Variants in CADM1 observed in about 807,000 individuals in gnomAD.
The protein encoded by CADM1 is TSLC-1.
In CADM1, 15 loss-of-function variants were observed where a neutral mutation model predicts 53.1. The observed-to-expected ratio is 0.28, with a 90% confidence interval of 0.19 to 0.44. The LOEUF (loss-of-function observed/expected upper bound fraction) is 0.44. Ranked by LOEUF, CADM1 falls within the 20% of genes least tolerant of loss-of-function variation. The pLI, the probability that CADM1 is intolerant of heterozygous loss-of-function variation, is 1.00. For synonymous variants in CADM1, 281 were observed against 243.0 expected, an observed-to-expected ratio of 1.16 and a Z score of -1.45; for missense variants, 434 against 611.3, an observed-to-expected ratio of 0.71 and a Z score of 3.06.
chr11:115,372,871 C>T (rs1946342227), intron 1 of CADM1, among the ~76,000 whole-genome samples: 1 of 152,180 alleles, frequency 6.6e-6, no homozygotes, highest in Non-Finnish European at 1.5e-5. Flanking sequence ...AAGGCATAAC[C>T]TAAACCAGGC....
At chr11:115,332,262 T>C (rs1945151140) in intron 1 of CADM1, among the ~76,000 whole-genome samples, 1 of 152,086 alleles carries the variant, frequency 6.6e-6, no homozygotes, top group Non-Finnish European at 1.5e-5. Context: ...GAAGACAGGT[T>C]GAGGAGAAAC....
chr11:115,346,808 T>C (rs1289082553), intron 1 of CADM1, among the ~76,000 whole-genome samples: 1 of 152,158 alleles, frequency 6.6e-6, no homozygotes, highest in Non-Finnish European at 1.5e-5. Flanking sequence ...TTTGTTGGTG[T>C]TCAATTGTTC....
intron 1 of CADM1, among the ~76,000 whole-genome samples, chr11:115,343,080 G>C (rs1289690336): frequency 6.6e-6 from 1 of 152,086 alleles, no homozygotes; most frequent in Admixed American, 6.6e-5. Flanking sequence ...TGATTATCTT[G>C]TATTGTGTCC....
chr11:115,360,759 C>T (rs1246760028), intron 1 of CADM1, among the ~76,000 whole-genome samples: 1 of 152,196 alleles, frequency 6.6e-6, no homozygotes, highest in African/African-American at 2.4e-5. Context: ...GCAATTCACA[C>T]GTTTTCACAG....
intron 1 of CADM1, among the ~76,000 whole-genome samples, chr11:115,274,322 C>T (rs1262625803): frequency 6.6e-6 from 1 of 152,220 alleles, no homozygotes; most frequent in Non-Finnish European, 1.5e-5. Context: ...GCACGAGCAC[C>T]AGGCTCTGCC....
In CADM1 at chr11:115,174,491, G is replaced by C. The variant is rs1316134868; in HGVS notation, c.*1983C>G. On this transcript the variant is annotated 3_prime_UTR_variant, in exon 12 of 12. Transcript: ENST00000331581. The stretch of plus-strand genomic sequence containing the variant: ...TGGTTAAGTGCCTAGGGATAGGGGA[G>C]GGGTAAATAAAATGCTGCTCGATAA... 1 of 985,548 alleles carries C rather than the reference G, an allele frequency of 1.0e-6. No homozygotes were observed. Among genetic ancestry groups the C allele is most frequent in the Non-Finnish European group, 1.2e-6 (1 of 829,920 alleles). The allele number at this position is 985,548 out of a possible 1,614,324, so 61.1% of individuals were successfully genotyped here.
At chr11:115,299,415 G>A (rs1487500135) in intron 1 of CADM1, among the ~76,000 whole-genome samples, 1 of 152,080 alleles carries the variant, frequency 6.6e-6, no homozygotes, top group Non-Finnish European at 1.5e-5. Context: ...TGAACATGGT[G>A]TATGTACTTT....
rs563261995 is a variant in CADM1, at chr11:115,457,039, T to C, written c.124+47232A>G. ...ACATAGTACCTAAGTGCAGACTTCA[T>C]AGTTACCACATACTGAGTGCCTACT... On this transcript the variant is annotated intron_variant, in intron 1 of 11. Coordinates refer to ENST00000331581, the MANE Select transcript of CADM1 (RefSeq NM_001301043.2). Among the ~76,000 whole-genome samples the C allele has an allele frequency of 4.6e-5, 7 of 152,282 alleles. No homozygotes were observed. In the South Asian group the frequency reaches 1.4e-3, roughly 32 times the overall value.
intron 1 of CADM1, among the ~76,000 whole-genome samples, chr11:115,389,273 C>T (rs916872037): frequency 7.9e-5 from 12 of 152,036 alleles, no homozygotes; most frequent in Non-Finnish European, 1.0e-4. Flanking sequence ...AAGTTTGAAA[C>T]GATTTCCAAA....
chr11:115,474,699 G>A lies in CADM1; in HGVS notation c.124+29572C>T, dbSNP rs1243443692. On this transcript the variant is annotated intron_variant, in intron 1 of 11. Coordinates refer to ENST00000331581, the MANE Select transcript of CADM1 (RefSeq NM_001301043.2). Reference sequence around the variant, plus strand: ...AACATCACACACCAGGGCCAGTCGTGGGGTGGGGGGAGGGGGGAGGGATAG... The same window carrying A: ...AACATCACACACCAGGGCCAGTCGTAGGGTGGGGGGAGGGGGGAGGGATAG... Among the ~76,000 whole-genome samples the A allele has an allele frequency of 3.0e-5, 4 of 133,226 alleles. No homozygotes were observed. The East Asian group carries it at 7.2e-4, about 24-fold the overall frequency. The allele number at this position is 133,226 out of a possible 152,430, so 87.4% of individuals were successfully genotyped here. A position where few individuals can be genotyped will look rare whatever the true frequency, so the allele number is the denominator to read the frequency against.
rs940166449 is a variant in CADM1, at chr11:115,498,987, A to G, written c.124+5284T>C. Among the ~76,000 whole-genome samples the G allele has an allele frequency of 4.6e-5, 7 of 152,138 alleles. No individual in the cohort carries two copies. The South Asian group carries it at 1.4e-3, about 31-fold the overall frequency. On this transcript the variant is annotated intron_variant, in intron 1 of 11. Transcript: ENST00000331581. ...ATTTGCATGCATGGTTAAATATGGT[A>G]TTCTTCCCACTTTGTATACATATTT...
intron 1 of CADM1, among the ~76,000 whole-genome samples, chr11:115,249,307 C>T (rs369809504): frequency 1.1e-4 from 17 of 152,250 alleles, no homozygotes; most frequent in Middle Eastern, 6.8e-3. Flanking sequence ...GAGTGAAAAC[C>T]GGTTACACAA....
chr11:115,228,978 A>G, intron 5 of CADM1, 135 bp downstream of exon 5: 1 of 878,324 alleles, frequency 1.1e-6, no homozygotes, highest in Non-Finnish European at 1.8e-6. Flanking sequence ...TCAATAAAAT[A>G]ATCCTTTATT....
chr11:115,215,071 G>A (rs1249756552), intron 6 of CADM1, among the ~76,000 whole-genome samples: 2 of 152,152 alleles, frequency 1.3e-5, no homozygotes, highest in African/African-American at 4.8e-5. Flanking sequence ...ATGCCCCGCT[G>A]TGTGGTTTCA....
chr11:115,420,793 G>A (rs1441992065), intron 1 of CADM1, among the ~76,000 whole-genome samples: 1 of 152,200 alleles, frequency 6.6e-6, no homozygotes, highest in African/African-American at 2.4e-5. Flanking sequence ...CAAAGCCAAG[G>A]CTGTTTCGTT....
chr11:115,181,762 T>TG (rs1939322771), intron 10 of CADM1, among the ~76,000 whole-genome samples: 1 of 151,538 alleles, frequency 6.6e-6, no homozygotes, highest in African/African-American at 2.4e-5. Context: ...TTTCCACGTG[T>TG]GGGGAGGGTG....
Position 115,262,141 on chromosome 11 carries a change from CT to C in CADM1, c.125-21722del, listed in dbSNP as rs771054037. Among the ~76,000 whole-genome samples the C allele has an allele frequency of 4.4e-3, 620 of 140,222 alleles. 1 individual carries two copies. The highest frequency in any genetic ancestry group is 6.5e-3 in the Admixed American group (91 of 13,958). The allele number at this position is 140,222 out of a possible 152,430, so 92.0% of individuals were successfully genotyped here. A position where few individuals can be genotyped will look rare whatever the true frequency, so the allele number is the denominator to read the frequency against. ...ATATTTTGTGTCACACTTTTTTTGT[CT>C]TTTTTTTTTTTTTCCTGCTAAGGAA... On this transcript the variant is annotated intron_variant, in intron 1 of 11. Coordinates refer to ENST00000331581, the MANE Select transcript of CADM1 (RefSeq NM_001301043.2).
At chr11:115,339,039 T>TC (rs1945350046) in intron 1 of CADM1, among the ~76,000 whole-genome samples, 1 of 75,700 alleles carries the variant, frequency 1.3e-5, no homozygotes, top group Non-Finnish European at 2.5e-5. Flanking sequence ...ATGCTATCCC[T>TC]CCCCCCTCCC....
chr11:115,490,555 C>A (rs1241567709), intron 1 of CADM1, among the ~76,000 whole-genome samples: 1 of 151,906 alleles, frequency 6.6e-6, no homozygotes, highest in Admixed American at 6.6e-5. Context: ...CCTACCACCA[C>A]GCCCGGCTAA....
Sources: allele counts gnomAD v4.1 joint callset (sites outside exome capture counted in the v4.1 genomes callset), GRCh38; gene constraint gnomAD v4.1.1; transcripts MANE v1.5; gene names NCBI Gene and HGNC (gene_info 2026-07-23, HGNC 2026-07-21).